RAB3C: variants seen among roughly 807,000 people sequenced by gnomAD.
RAB3C encodes ras-related protein Rab-3C.
In RAB3C, 17 loss-of-function variants were observed where a neutral mutation model predicts 26.4. The observed-to-expected ratio is 0.64, with a 90% CI of 0.44 to 0.97. The LOEUF is 0.97. Among genes scored for constraint, RAB3C ranks in the 50% least tolerant of loss-of-function variants. RAB3C has a pLI of 0.00. For synonymous variants in RAB3C, 91 were observed against 95.9 expected (o/e 0.95, Z 0.30); for missense variants, 242 against 281.9 (o/e 0.86, Z 1.01).
chr5:58,651,111 G>A (rs533511832), intron 2 of RAB3C, among the ~76,000 whole-genome samples: 1 of 152,246 alleles, frequency 6.6e-6, no homozygotes, highest in East Asian at 1.9e-4. Context: ...TTAAAATCAG[G>A]TTGTTTCTAT....
intron 1 of RAB3C, among the ~76,000 whole-genome samples, chr5:58,616,989 G>T (rs1279525666): frequency 6.6e-6 from 1 of 152,128 alleles, no homozygotes; most frequent in East Asian, 1.9e-4. Context: ...ATATCTCTGG[G>T]CCTCAATTTT....
upstream of RAB3C, chr5:58,582,973 C>G: frequency 1.7e-6 from 2 of 1,172,376 alleles, no homozygotes; most frequent in Non-Finnish European, 2.3e-6. Context: ...GTTCACCGCT[C>G]GCCCGTTTGC....
At chr5:58,623,661 C>T (rs1356237082) in intron 2 of RAB3C, among the ~76,000 whole-genome samples, 1 of 152,226 alleles carries the variant, frequency 6.6e-6, no homozygotes, top group African/African-American at 2.4e-5. Context: ...CTGTGTTTAA[C>T]CACTCTTCTC....
At chr5:58,635,233 A>T (rs1473097427) in intron 2 of RAB3C, among the ~76,000 whole-genome samples, 1 of 152,192 alleles carries the variant, frequency 6.6e-6, no homozygotes, top group East Asian at 1.9e-4. Flanking sequence ...GTGGGAAGAG[A>T]TGTGCTAAAA....
intron 3 of RAB3C, among the ~76,000 whole-genome samples, chr5:58,732,745 G>A (rs1412383276): frequency 2.0e-5 from 3 of 152,078 alleles, no homozygotes; most frequent in African/African-American, 7.2e-5. Context: ...GTAAAGTTAT[G>A]CTCTCTGAGG....
At position 58,749,977 on chromosome 5, in the gene RAB3C, G is replaced by A. The variant is rs369477975; in HGVS notation, c.371+23857G>A. On this transcript the variant is annotated intron_variant, in intron 3 of 4. Coordinates refer to ENST00000282878, the MANE Select transcript of RAB3C (RefSeq NM_138453.4). ...CCAGTATTTATTTAGAGCATGAGAT[G>A]TCATTCATTATTAATTTATGTGTTA... Among the ~76,000 whole-genome samples the A allele has an allele frequency of 2.0e-5, 3 of 152,148 alleles. No homozygotes were observed. In the East Asian group the frequency reaches 5.8e-4, roughly 29 times the overall value.
chr5:58,684,723 A>G (rs931742015), intron 2 of RAB3C, among the ~76,000 whole-genome samples: 1 of 152,174 alleles, frequency 6.6e-6, no homozygotes, highest in African/African-American at 2.4e-5. Context: ...TAAAACCGTT[A>G]TCTGGCTTTC....
intron 2 of RAB3C, among the ~76,000 whole-genome samples, chr5:58,654,457 C>T (rs1050633313): frequency 1.3e-5 from 2 of 152,046 alleles, no homozygotes; most frequent in East Asian, 3.8e-4. Flanking sequence ...GTGATTATGC[C>T]ATTTAATTAT....
intron 2 of RAB3C, among the ~76,000 whole-genome samples, chr5:58,625,727 C>T (rs1374872778): frequency 2.0e-5 from 3 of 151,894 alleles, no homozygotes; most frequent in Non-Finnish European, 4.4e-5. Context: ...TGTTGTGGTG[C>T]ACGCCTGTAA....
At chr5:58,829,051 G>A (rs573131058) in intron 4 of RAB3C, among the ~76,000 whole-genome samples, 117 of 151,750 alleles carry the variant, frequency 7.7e-4, no homozygotes, top group African/African-American at 1.1e-3. Context: ...CTACTGGCAC[G>A]TGCCACCACG....
chr5:58,632,679 A>G (rs1394682853), intron 2 of RAB3C, among the ~76,000 whole-genome samples: 1 of 152,180 alleles, frequency 6.6e-6, no homozygotes, highest in African/African-American at 2.4e-5. Flanking sequence ...CTGTGGACAG[A>G]GGGTATATGT....
At chr5:58,770,434 TC>T (rs928438426) in intron 3 of RAB3C, among the ~76,000 whole-genome samples, 1 of 152,100 alleles carries the variant, frequency 6.6e-6, no homozygotes, top group African/African-American at 2.4e-5. Flanking sequence ...GCCTACCTCT[TC>T]CCCTCAGATG....
intron 3 of RAB3C, among the ~76,000 whole-genome samples, chr5:58,774,669 G>A (rs567804865): frequency 5.9e-5 from 9 of 152,280 alleles, no homozygotes; most frequent in African/African-American, 2.2e-4. Context: ...TAGGGAGGGA[G>A]AGGGAGTAGG....
At chr5:58,845,137 C>A (rs565540760) in intron 4 of RAB3C, among the ~76,000 whole-genome samples, 35 of 152,258 alleles carry the variant, frequency 2.3e-4, no homozygotes, top group African/African-American at 7.7e-4. Flanking sequence ...TCTTCAAGCG[C>A]CAGAGTGACA....
chr5:58,849,952 G>A (rs370978843), intron 4 of RAB3C, among the ~76,000 whole-genome samples: 5 of 152,140 alleles, frequency 3.3e-5, no homozygotes, highest in Non-Finnish European at 7.3e-5. Flanking sequence ...GAATCCATGC[G>A]GCTCCTCTGA....
intron 2 of RAB3C, among the ~76,000 whole-genome samples, chr5:58,661,639 C>G (rs1000572200): frequency 6.8e-6 from 1 of 146,316 alleles, no homozygotes; most frequent in Non-Finnish European, 1.5e-5. Flanking sequence ...CTGCCTGTAT[C>G]TAGTGTGGTG....
intron 3 of RAB3C, among the ~76,000 whole-genome samples, chr5:58,746,004 A>G (rs1741395607): frequency 6.6e-6 from 1 of 152,162 alleles, no homozygotes; most frequent in Admixed American, 6.5e-5. Context: ...TTCTTATCTA[A>G]ACAGTCCCTT....
chr5:58,600,388 A>G (rs947249716), intron 1 of RAB3C, among the ~76,000 whole-genome samples: 2 of 151,844 alleles, frequency 1.3e-5, no homozygotes, highest in African/African-American at 4.8e-5. Context: ...TAATGGTGAT[A>G]TTTTTATGGG....
chr5:58,816,652 C>A (rs966886816), intron 3 of RAB3C, among the ~76,000 whole-genome samples: 1 of 152,096 alleles, frequency 6.6e-6, no homozygotes, highest in African/African-American at 2.4e-5. Context: ...TTAAATTGGG[C>A]CCTCAAATTT....
Sources: allele counts gnomAD v4.1 joint callset (sites outside exome capture counted in the v4.1 genomes callset), GRCh38; gene constraint gnomAD v4.1.1; transcripts MANE v1.5; gene names NCBI Gene and HGNC (gene_info 2026-07-23, HGNC 2026-07-21).